The following CPSF4L variants were observed in gnomAD, a reference collection of about 807,000 sequenced individuals.
CPSF4L encodes the protein cleavage and polyadenylation specific factor 4 like.
A neutral mutation model predicts 24.0 loss-of-function variants in CPSF4L; 18 were observed. The observed-to-expected ratio is 0.75, with a 90% CI of 0.52 to 1.11. The LOEUF is 1.11. Ranked by LOEUF, CPSF4L falls within the 50% of genes least tolerant of loss-of-function variation. The pLI is 0.00. For synonymous variants in CPSF4L, 72 were observed against 77.2 expected (o/e 0.93, Z 0.35); for missense variants, 211 against 221.8 (o/e 0.95, Z 0.31).
intron 2 of CPSF4L, among the ~76,000 whole-genome samples, chr17:73,260,349 G>A (rs999679098): frequency 1.3e-5 from 2 of 152,182 alleles, no homozygotes; most frequent in African/African-American, 2.4e-5. Flanking sequence ...TTTCCAGGCA[G>A]CCTGGTTACC....
the CPSF4L span, chr17:73,242,344 A>G: frequency 6.3e-7 from 1 of 1,575,242 alleles, no homozygotes; most frequent in Admixed American, 2.0e-5. Context: ...TGGGAGCTGT[A>G]CAAAAAGGTG....
chr17:73,254,927 C>T (rs1337811170), intron 3 of CPSF4L, among the ~76,000 whole-genome samples: 1 of 152,146 alleles, frequency 6.6e-6, no homozygotes, highest in Non-Finnish European at 1.5e-5. Flanking sequence ...CAGGTGTGAG[C>T]CACCACGCCC....
chr17:73,245,208 C>G, downstream of CPSF4L: 1 of 1,613,424 alleles, frequency 6.2e-7, no homozygotes, highest in Non-Finnish European at 8.5e-7. Context: ...CTGGACATCA[C>G]TTAAAGCTCT....
At chr17:73,252,893 A>G (rs1214732416) in intron 4 of CPSF4L, among the ~76,000 whole-genome samples, 170 bp from the exon 5 acceptor site, 3 of 152,208 alleles carry the variant, frequency 2.0e-5, no homozygotes, top group African/African-American at 7.2e-5. Flanking sequence ...ACTTCTAGCC[A>G]TGAGACAGGG....
At position 73,252,733 on chromosome 17, in the gene CPSF4L, A is replaced by C; in HGVS notation, c.404-10T>G. On this transcript the variant is annotated splice_polypyrimidine_tract_variant and intron_variant, in intron 4 of 5. Coordinates refer to ENST00000344935, the MANE Select transcript of CPSF4L (RefSeq NM_001129885.1). ...TATTTACACAGAGGACCTGCTGAGCAAAGAGAAAGTGATGAGAAGGATCCG... is the reference window on the plus strand; with the variant it reads ...TATTTACACAGAGGACCTGCTGAGCCAAGAGAAAGTGATGAGAAGGATCCG... 6.5e-7 allele frequency: 1 copy of C among 1,534,318 alleles called. No homozygotes were observed. Among genetic ancestry groups the C allele is most frequent in the South Asian group, 1.2e-5 (1 of 82,876 alleles).
At chr17:73,250,207 A>G (rs2061999248) in intron 5 of CPSF4L, 1 of 1,542,136 alleles carries the variant, frequency 6.5e-7, no homozygotes, top group Non-Finnish European at 8.8e-7. Context: ...CCATAGTAAG[A>G]CCATTGAGCA....
chr17:73,253,812 G>C (rs2062014391), intron 4 of CPSF4L, 119 bp downstream of exon 4: 1 of 611,912 alleles, frequency 1.6e-6, no homozygotes, highest in African/African-American at 1.8e-5. Flanking sequence ...CTACAGAAAG[G>C]CCTTCTATTT....
chr17:73,247,509 G>A, downstream of CPSF4L: 1 of 606,414 alleles, frequency 1.6e-6, no homozygotes, highest in East Asian at 2.8e-5. Flanking sequence ...TATAAATAAA[G>A]TAGTATCACT....
Position 73,261,824 on chromosome 17 carries a change from G to T in CPSF4L, c.-6C>A. 6.5e-7 allele frequency: 1 copy of T among 1,549,756 alleles called. No homozygotes were observed. Among genetic ancestry groups the T allele is most frequent in the Non-Finnish European group, 8.7e-7 (1 of 1,145,286 alleles). ...CCCGCAATGACCTCTTGCATCTTCC[G>T]TCTCCTGCTGGGGCTGCGGAAGCTG... On this transcript the variant is annotated 5_prime_UTR_variant, in exon 1 of 6. Coordinates refer to ENST00000344935, the MANE Select transcript of CPSF4L (RefSeq NM_001129885.1).
chr17:73,248,500 C>G lies in CPSF4L; in HGVS notation c.534G>C (p.Lys178Asn). 6.4e-7 allele frequency: 1 copy of G among 1,551,692 alleles called. No individual in the cohort carries two copies. The highest frequency in any genetic ancestry group is 8.7e-7 in the Non-Finnish European group (1 of 1,146,962). ...IREFKLLPGSKI is the reference protein window; with the variant it reads ...IREFKLLPGSNI ...GCTAGGTAAGAAGCAACGCTTAGATCTTGCTTCCAGGCAGCAGCTTGAATT... is the reference window on the plus strand; with the variant it reads ...GCTAGGTAAGAAGCAACGCTTAGATGTTGCTTCCAGGCAGCAGCTTGAATT... The change falls in exon 6 of 6, where the codon AAG (lysine) becomes AAC (asparagine). Residue 178 changes from lysine to asparagine, a missense_variant. By Grantham distance (94) the Lys-to-Asn change is moderately conservative (BLOSUM62 0). Transcript: ENST00000344935.
the CPSF4L span, chr17:73,242,142 A>G: frequency 3.0e-6 from 2 of 670,320 alleles, no homozygotes; most frequent in South Asian, 2.2e-5. Flanking sequence ...TGTTTAGAAT[A>G]TGCTCTTCCT....
intron 5 of CPSF4L, 117 bp from the exon 6 acceptor site, chr17:73,248,653 G>A: frequency 9.5e-7 from 1 of 1,057,256 alleles, no homozygotes; most frequent in South Asian, 1.4e-5. Flanking sequence ...TGCTTGAGAG[G>A]ACGTATTTGA....
At chr17:73,263,671 C>G (rs1342340360), upstream of CPSF4L, among the ~76,000 whole-genome samples, 1 of 143,908 alleles carries the variant, frequency 6.9e-6, no homozygotes, top group South Asian at 2.2e-4. Flanking sequence ...CTGCTGGGGC[C>G]AGCTTTGGGG....
the CPSF4L span, chr17:73,242,365 T>G: frequency 1.3e-5 from 20 of 1,512,774 alleles, no homozygotes; most frequent in East Asian, 4.7e-4. Context: ...AGGCTGGAGT[T>G]TGACTGTTGT....
upstream of CPSF4L, among the ~76,000 whole-genome samples, chr17:73,263,753 C>T (rs1330239700): frequency 1.5e-5 from 2 of 129,424 alleles, no homozygotes; most frequent in Non-Finnish European, 3.2e-5. Flanking sequence ...GAGGGATGGT[C>T]GGGGGAAGAC....
At chr17:73,248,230 C>T (rs1434319747), downstream of CPSF4L, 9 of 446,882 alleles carry the variant, frequency 2.0e-5, no homozygotes, top group African/African-American at 1.4e-4. Flanking sequence ...AAGCTTCATC[C>T]AGAAAGACAA....
the CPSF4L span, chr17:73,243,078 T>TTTTTTTTTTTTC: frequency 4.3e-6 from 1 of 234,908 alleles, no homozygotes; most frequent in Admixed American, 1.1e-4. Context: ...ATTCTCTGAA[T>TTTTTTTTTTTTC]TTTTTTTTTT....
At chr17:73,253,287 G>C (rs1367696181) in intron 4 of CPSF4L, among the ~76,000 whole-genome samples, 1 of 152,174 alleles carries the variant, frequency 6.6e-6, no homozygotes, top group African/African-American at 2.4e-5. Context: ...TTGAACCTGG[G>C]AGGTGGAGGT....
chr17:73,246,457 GC>G (rs2061951923), downstream of CPSF4L, among the ~76,000 whole-genome samples: 1 of 152,182 alleles, frequency 6.6e-6, no homozygotes, highest in African/African-American at 2.4e-5. Flanking sequence ...AATCACTTGA[GC>G]CCAGGAGGCG....
Sources: allele counts gnomAD v4.1 joint callset (sites outside exome capture counted in the v4.1 genomes callset), GRCh38; gene constraint gnomAD v4.1.1; transcripts MANE v1.5; gene names NCBI Gene and HGNC (gene_info 2026-07-23, HGNC 2026-07-21).